Variants in USP4 observed in about 807,000 individuals in gnomAD.
USP4 encodes the protein ubiquitin specific peptidase 4.
USP4 carries 72 observed loss-of-function variants against 118.2 expected under a neutral mutation model. The ratio of observed to expected loss-of-function variants is 0.61; its 90% CI spans 0.50 to 0.74. The LOEUF (loss-of-function observed/expected upper bound fraction) is 0.74. USP4 is among the 30% of genes least tolerant of loss of function. The pLI is 0.00. For missense variants in USP4, 1,037 were observed against 1,185.7 expected (o/e 0.87, Z 1.84); for synonymous variants, 415 against 440.4 (o/e 0.94, Z 0.72).
intron 1 of USP4, among the ~76,000 whole-genome samples, chr3:49,338,516 G>T (rs535682931): frequency 2.0e-5 from 3 of 151,850 alleles, no homozygotes; most frequent in African/African-American, 7.2e-5. Flanking sequence ...AAAAAAATTA[G>T]CCGGCCGTGG....
chr3:49,300,023 A>G (rs1462397510), intron 11 of USP4, among the ~76,000 whole-genome samples: 1 of 152,038 alleles, frequency 6.6e-6, no homozygotes, highest in African/African-American at 2.4e-5. Flanking sequence ...AGATGGGCAG[A>G]TTACTTGAGG....
intron 2 of USP4, among the ~76,000 whole-genome samples, chr3:49,334,043 A>T (rs2047645659): frequency 6.6e-6 from 1 of 152,150 alleles, no homozygotes; most frequent in African/African-American, 2.4e-5. Flanking sequence ...AAGCTCCCTG[A>T]TCACTGATCA....
intron 16 of USP4, among the ~76,000 whole-genome samples, chr3:49,285,836 C>T (rs1396923145): frequency 2.6e-5 from 4 of 152,168 alleles, no homozygotes; most frequent in Admixed American, 6.6e-5. Flanking sequence ...GAAAGGTTAT[C>T]GACCCACAGC....
In USP4 at chr3:49,325,724, G is replaced by C. The variant is rs757691244; in HGVS notation, c.482C>G (p.Thr161Ser). The C allele has an allele frequency of 1.1e-5, 18 of 1,613,546 alleles. No homozygotes were observed. The highest frequency in any genetic ancestry group is 1.4e-5 in the Non-Finnish European group (17 of 1,179,742). ...ACCCCAGCCCAGCCTCTCACCAATG[G>C]TGTCTGCCTTGCTGAAATGGCAACT... is the stretch of plus-strand genomic sequence containing the variant. ...VLSCHFSKAD[T>S]IATIEKEMRK... The change falls in exon 4 of 22, where the codon ACC (threonine) becomes AGC (serine). Residue 161 changes from threonine to serine, a missense_variant. Coordinates refer to ENST00000265560, the MANE Select transcript of USP4 (RefSeq NM_003363.4).
At chr3:49,284,987 G>T in intron 16 of USP4, 68 bp from the exon 17 acceptor site, 1 of 1,261,452 alleles carries the variant, frequency 7.9e-7, no homozygotes, top group Non-Finnish European at 1.1e-6. Context: ...CAAGTGACAG[G>T]AGTGAGAAGG....
chr3:49,300,448 A>T lies in USP4; in HGVS notation c.1512+19T>A. ...ACCACTTGCAGTGAGGGGTGCCATA[A>T]GGGTGTGGATTCTGTCACCTGAGTA... On this transcript the variant is annotated intron_variant, in intron 11 of 21. Transcript: ENST00000265560. 6.2e-7 allele frequency: 1 copy of T among 1,609,592 alleles called. No homozygotes were observed. The highest frequency in any genetic ancestry group is 8.5e-7 in the Non-Finnish European group (1 of 1,175,904).
At position 49,336,165 on chromosome 3, in the gene USP4, C is replaced by CTTTTT. The variant is rs34604530; in HGVS notation, c.102-574_102-570dup. 1.8e-4 allele frequency among the ~76,000 whole-genome samples: 15 copies of CTTTTT among 83,012 alleles called. 1 individual carries two copies. Among genetic ancestry groups the CTTTTT allele is most frequent in the Non-Finnish European group, 2.4e-4 (11 of 46,350 alleles). 54.5% of individuals were successfully genotyped at this position (83,012 alleles called of 152,430 possible). On this transcript the variant is annotated intron_variant, in intron 1 of 21. Coordinates refer to ENST00000265560, the MANE Select transcript of USP4 (RefSeq NM_003363.4). ...AGGCATGAGCCACTGCACCTGGCCT[C>CTTTTT]TTTTTTTTTTTTTTTTTTTTTTGAG... is the stretch of plus-strand genomic sequence containing the variant.
At chr3:49,312,544 C>T (rs1375616057) in intron 6 of USP4, 3 of 451,354 alleles carry the variant, frequency 6.6e-6, no homozygotes, top group East Asian at 7.0e-5. Context: ...TGCTTGAACC[C>T]GGGAGGCAGA....
At position 49,297,896 on chromosome 3, in the gene USP4, G is replaced by A. The variant is rs1356028101; in HGVS notation, c.1665C>T (p.His555=). ...KIFQMDEGLN[H]IMPRDDIFVY... ...CGAAAATGTCATCCCGAGGCATGAT[G>A]TGGTTTAAACCTTCATCCATTTGGA... The change falls in exon 13 of 22, where the codon CAC becomes CAT. Residue 555 remains histidine, a synonymous_variant. Coordinates refer to ENST00000265560, the MANE Select transcript of USP4 (RefSeq NM_003363.4). 6.2e-7 allele frequency: 1 copy of A among 1,613,970 alleles called. No homozygotes were observed. The highest frequency in any genetic ancestry group is 2.2e-5 in the East Asian group (1 of 44,896).
intron 6 of USP4, among the ~76,000 whole-genome samples, chr3:49,324,170 TG>T (rs2047528243): frequency 6.6e-6 from 1 of 152,112 alleles, no homozygotes; most frequent in Non-Finnish European, 1.5e-5. Context: ...AGCTAATTTT[TG>T]TATTTTTAGT....
intron 2 of USP4, among the ~76,000 whole-genome samples, chr3:49,329,235 G>A (rs1353085503): frequency 2.0e-5 from 3 of 152,002 alleles, no homozygotes; most frequent in Non-Finnish European, 4.4e-5. Flanking sequence ...ACATCTTCAG[G>A]CTTCACTTCT....
intron 15 of USP4, among the ~76,000 whole-genome samples, chr3:49,288,816 G>A (rs945098888): frequency 5.9e-5 from 9 of 152,150 alleles, no homozygotes; most frequent in African/African-American, 2.2e-4. Context: ...GGTTAAAAAT[G>A]CTTTGTGGTT....
At chr3:49,318,084 C>G (rs2047460004) in intron 6 of USP4, among the ~76,000 whole-genome samples, 1 of 152,190 alleles carries the variant, frequency 6.6e-6, no homozygotes, top group Admixed American at 6.5e-5. Flanking sequence ...GATCCGCCCG[C>G]CTTGGCCTCC....
intron 9 of USP4, among the ~76,000 whole-genome samples, chr3:49,302,779 G>A (rs936599132): frequency 2.0e-5 from 3 of 152,142 alleles, no homozygotes; most frequent in African/African-American, 4.8e-5. Context: ...ACTGCCCTAA[G>A]TCCTAAGGAG....
At chr3:49,279,739 G>A (rs140175185) in intron 20 of USP4, among the ~76,000 whole-genome samples, 5 of 152,302 alleles carry the variant, frequency 3.3e-5, no homozygotes, top group Admixed American at 2.0e-4. Flanking sequence ...AGCATTGACT[G>A]CACAAAGTGG....
At chr3:49,309,874 G>A (rs1448963450) in intron 8 of USP4, among the ~76,000 whole-genome samples, 2 of 143,964 alleles carry the variant, frequency 1.4e-5, no homozygotes, top group South Asian at 2.2e-4. Flanking sequence ...TTATCCACCC[G>A]CCTTAGCCTC....
intron 8 of USP4, among the ~76,000 whole-genome samples, chr3:49,307,091 C>G (rs1009999592): frequency 3.3e-5 from 5 of 152,098 alleles, no homozygotes; most frequent in Admixed American, 6.6e-5. Flanking sequence ...TTTCAAAACC[C>G]AAGGGTTATC....
At chr3:49,289,072 C>T (rs2047127336) in intron 15 of USP4, among the ~76,000 whole-genome samples, 1 of 152,076 alleles carries the variant, frequency 6.6e-6, no homozygotes, top group East Asian at 1.9e-4. Flanking sequence ...GATTGTGCCA[C>T]TGCACTCCAG....
intron 15 of USP4, among the ~76,000 whole-genome samples, chr3:49,287,247 T>C (rs769134328): frequency 1.3e-5 from 2 of 151,924 alleles, no homozygotes; most frequent in Non-Finnish European, 2.9e-5. Flanking sequence ...CTCCGCCTTC[T>C]GGGTTCAAGC....
Sources: allele counts gnomAD v4.1 joint callset (sites outside exome capture counted in the v4.1 genomes callset), GRCh38; gene constraint gnomAD v4.1.1; transcripts MANE v1.5; gene names NCBI Gene and HGNC (gene_info 2026-07-23, HGNC 2026-07-21).